Variants in CYTH1 observed in about 807,000 individuals in gnomAD.
CYTH1 encodes the protein cytohesin 1.
Under a neutral mutation model 61.8 loss-of-function variants are expected in CYTH1, and 18 were observed. That is an observed-to-expected ratio of 0.29 (90% CI 0.20 to 0.43). The LOEUF (loss-of-function observed/expected upper bound fraction) is 0.43, where lower values mean the gene tolerates loss of function less well. Among genes scored for constraint, CYTH1 ranks in the 20% least tolerant of loss-of-function variants. The pLI is 1.00. For synonymous variants in CYTH1, 174 were observed against 184.3 expected (o/e 0.94, Z 0.45); for missense variants, 336 against 510.5 (o/e 0.66, Z 3.29).
At chr17:78,740,273 C>T (rs976874129) in intron 1 of CYTH1, among the ~76,000 whole-genome samples, 1 of 152,154 alleles carries the variant, frequency 6.6e-6, no homozygotes, top group South Asian at 2.1e-4. Flanking sequence ...CAACCAGGTC[C>T]CCCATCTCCA....
intron 1 of CYTH1, among the ~76,000 whole-genome samples, chr17:78,710,941 C>T (rs1457856492): frequency 6.6e-6 from 1 of 152,036 alleles, no homozygotes; most frequent in Non-Finnish European, 1.5e-5. Context: ...AATGTCACCA[C>T]CCAGTTTGAG....
At chr17:78,729,110 T>C (rs2093280754) in intron 1 of CYTH1, among the ~76,000 whole-genome samples, 1 of 152,162 alleles carries the variant, frequency 6.6e-6, no homozygotes, top group African/African-American at 2.4e-5. Flanking sequence ...TTTAAATTAA[T>C]TAACTTATTA....
chr17:78,698,152 CACAT>C, intron 9 of CYTH1, 113 bp downstream of exon 9: 1 of 850,442 alleles, frequency 1.2e-6, no homozygotes. Flanking sequence ...CGCACGCGCA[CACAT>C]GCACACGCAC....
At position 78,675,792 on chromosome 17, in the gene CYTH1, T is replaced by C. The variant is rs2092691773; in HGVS notation, c.*299A>G. 2 of 1,287,018 alleles carry C rather than the reference T, an allele frequency of 1.6e-6. No individual in the cohort carries two copies. The highest frequency in any genetic ancestry group is 1.7e-5 in the South Asian group (1 of 58,686). The allele number at this position is 1,287,018 out of a possible 1,614,324, so 79.7% of individuals were successfully genotyped here. On this transcript the variant is annotated 3_prime_UTR_variant, in exon 14 of 14. Transcript: ENST00000446868. ...GTAAACAGTTGGCTCTGAGCTCTGC[T>C]ACCAGAACACTGAGCAGAGAAACTG...
chr17:78,682,483 A>G (rs764542819), intron 11 of CYTH1, among the ~76,000 whole-genome samples: 56 of 152,214 alleles, frequency 3.7e-4, no homozygotes, highest in African/African-American at 1.3e-3. Context: ...TCCATTCCAG[A>G]GCACTCTTCC....
At chr17:78,746,649 A>G (rs755349648) in intron 1 of CYTH1, among the ~76,000 whole-genome samples, 3 of 152,218 alleles carry the variant, frequency 2.0e-5, no homozygotes, top group Non-Finnish European at 4.4e-5. Flanking sequence ...CATCAGAGTA[A>G]TAATTTGAAA....
At chr17:78,698,153 ACATG>A (rs2092963055) in intron 9 of CYTH1, 112 bp downstream of exon 9, 9 of 852,238 alleles carry the variant, frequency 1.1e-5, no homozygotes, top group Non-Finnish European at 1.8e-5. Context: ...GCACGCGCAC[ACATG>A]CACACGCACA....
At chr17:78,756,081 T>TTA (rs1698803412) in intron 1 of CYTH1, among the ~76,000 whole-genome samples, 6 of 146,074 alleles carry the variant, frequency 4.1e-5, no homozygotes, top group East Asian at 4.1e-4. Flanking sequence ...TTATTTTTAT[T>TTA]TTTTTTTTTT....
At chr17:78,721,065 A>G (rs1207874088) in intron 1 of CYTH1, among the ~76,000 whole-genome samples, 2 of 152,174 alleles carry the variant, frequency 1.3e-5, no homozygotes, top group Non-Finnish European at 2.9e-5. Context: ...GTGGTGGCTC[A>G]CGCCTTGTAA....
intron 1 of CYTH1, among the ~76,000 whole-genome samples, chr17:78,721,841 C>T (rs1024595018): frequency 2.7e-4 from 41 of 152,194 alleles, no homozygotes; most frequent in South Asian, 2.1e-4. Context: ...GTAAGGAGTT[C>T]GAGACCAGCC....
At chr17:78,701,854 G>T in intron 5 of CYTH1, 103 bp from the exon 6 acceptor site, 1 of 1,199,440 alleles carries the variant, frequency 8.3e-7, no homozygotes, top group Non-Finnish European at 1.2e-6. Flanking sequence ...CTGTGGTCCT[G>T]TGGCTCCTGC....
At chr17:78,729,651 AG>A (rs531953608) in intron 1 of CYTH1, among the ~76,000 whole-genome samples, 88 of 152,324 alleles carry the variant, frequency 5.8e-4, no homozygotes, top group African/African-American at 2.0e-3. Context: ...TCCACTTAAG[AG>A]TGGATATGCT....
chr17:78,700,463 G>T lies in CYTH1; in HGVS notation c.438-20C>A. 6.3e-7 allele frequency: 1 copy of T among 1,588,426 alleles called. No individual in the cohort carries two copies. The highest frequency in any genetic ancestry group is 8.6e-7 in the Non-Finnish European group (1 of 1,166,814). ...AACTGCCTGAGTGGGTAAAGACAGA[G>T]TGTTCCAGAACTTGGGGAGGCAATT... On this transcript the variant is annotated intron_variant, in intron 6 of 13. Coordinates refer to ENST00000446868, the MANE Select transcript of CYTH1 (RefSeq NM_004762.6). This position sits in a 1 kb window ranked among gnomAD's most constrained non-coding sequence, Gnocchi z 5.1.
At chr17:78,744,682 C>A (rs2093353175) in intron 1 of CYTH1, among the ~76,000 whole-genome samples, 2 of 152,092 alleles carry the variant, frequency 1.3e-5, no homozygotes, top group Non-Finnish European at 2.9e-5. Flanking sequence ...TGTAATGTGT[C>A]AACAAGAATT....
At chr17:78,767,458 A>G (rs138781761) in intron 1 of CYTH1, among the ~76,000 whole-genome samples, 407 of 152,342 alleles carry the variant, frequency 2.7e-3, no homozygotes, top group East Asian at 8.3e-3. Flanking sequence ...AGCAGGGCCT[A>G]TATCTTAAAA....
intron 10 of CYTH1, 148 bp downstream of exon 10, chr17:78,695,859 C>T: frequency 8.4e-7 from 1 of 1,195,436 alleles, no homozygotes; most frequent in South Asian, 1.4e-5. Flanking sequence ...CTGACCAGTT[C>T]CCTAGGGACT....
chr17:78,711,515 A>G (rs1031760934), intron 1 of CYTH1, among the ~76,000 whole-genome samples: 5 of 152,098 alleles, frequency 3.3e-5, no homozygotes, highest in African/African-American at 1.2e-4. Context: ...TGGAATTAAC[A>G]TCTCTGCTTG....
intron 1 of CYTH1, among the ~76,000 whole-genome samples, chr17:78,724,231 C>G (rs140486120): frequency 5.7e-4 from 87 of 152,298 alleles, no homozygotes; most frequent in South Asian, 2.3e-3. Flanking sequence ...CCAAGGGCGC[C>G]TGTTAAACAC....
intron 1 of CYTH1, among the ~76,000 whole-genome samples, chr17:78,766,881 T>C (rs1435394320): frequency 6.6e-6 from 1 of 152,200 alleles, no homozygotes; most frequent in Non-Finnish European, 1.5e-5. Context: ...GGCCTGTGCA[T>C]GGAGCCTGAG....
Sources: gnomAD v4.1 joint callset for allele counts (sites outside exome capture counted in the v4.1 genomes callset) on GRCh38, gnomAD v4.1.1 for gene constraint, Gnocchi (gnomAD v3.1) non-coding constraint, MANE v1.5 for transcripts, NCBI Gene and HGNC (gene_info 2026-07-23, HGNC 2026-07-21) for gene names.